The following AP1M2 variants were observed in gnomAD, a reference collection of about 807,000 sequenced individuals.
The protein encoded by AP1M2 is AP-1 complex subunit mu-2.
In AP1M2, 41 loss-of-function variants were observed where a neutral mutation model predicts 54.6. The observed-to-expected ratio is 0.75, with a 90% CI of 0.59 to 0.97. AP1M2 has a LOEUF of 0.97. AP1M2 is among the 50% of genes least tolerant of loss of function. The pLI, the probability that AP1M2 is intolerant of heterozygous loss-of-function variation, is 0.00. For synonymous variants in AP1M2, 219 were observed against 215.9 expected (o/e 1.01, Z -0.13); for missense variants, 507 against 561.2 (o/e 0.90, Z 0.98).
chr19:10,579,016 T>TTC, intron 7 of AP1M2, 53 bp from the exon 8 acceptor site: 2 of 187,650 alleles, frequency 1.1e-5, no homozygotes, highest in Non-Finnish European at 1.7e-5. Flanking sequence ...GACTCTCTTC[T>TTC]TTTTTTTTTT....
chr19:10,581,612 T>C lies in AP1M2; in HGVS notation c.421A>G (p.Lys141Glu). The C allele has an allele frequency of 1.2e-6, 2 of 1,613,962 alleles. No individual in the cohort carries two copies. The highest frequency in any genetic ancestry group is 1.7e-6 in the Non-Finnish European group (2 of 1,179,964). Residue 141 changes from lysine to glutamate, a missense_variant, in exon 5 of 12, where the codon AAG (lysine) becomes GAG (glutamate). Coordinates refer to ENST00000250244, the MANE Select transcript of AP1M2 (RefSeq NM_005498.5). ...ACCCGTGACTTGCCCGTCTCCAGCT[T>C]GTTGCTCTGCTGAGTGATGTACCTG... ...LQEYITQQSN[K>E]LETGKSRVPP... is the part of the protein sequence containing the mutation.
Position 10,574,440 on chromosome 19 carries a change from A to T in AP1M2, c.1226T>A (p.Val409Asp). The T allele has an allele frequency of 6.4e-7, 1 of 1,561,392 alleles. No individual in the cohort carries two copies. The highest frequency in any genetic ancestry group is 8.7e-7 in the Non-Finnish European group (1 of 1,153,054). Residue 409 changes from valine to aspartate, a missense_variant, in exon 11 of 12, where the codon GTT becomes GAT. By Grantham distance (152) the Val-to-Asp change is radical. Coordinates refer to ENST00000250244, the MANE Select transcript of AP1M2 (RefSeq NM_005498.5). ...ACCGCCACTCTGGGTGATGTAGCGA[A>T]CCCAGGGCAGGGCCTGGTAACCACT... ...EKSGYQALPW[V>D]RYITQSGDYQ...
chr19:10,577,279 G>T lies in AP1M2; in HGVS notation c.966C>A (p.Ser322=). The T allele has an allele frequency of 6.2e-7, 1 of 1,613,026 alleles. No individual in the cohort carries two copies. The part of the protein sequence containing the change: ...ISVPVPSDAD[S]PRFKTSVGSA... ...TGCCCACACTGGTCTTGAATCTGGG[G>T]GAGTCGGCATCGCTGGGTACAGGCA... The change falls in exon 9 of 12, where the codon TCC becomes TCA. Residue 322 remains serine, a synonymous_variant. Coordinates refer to ENST00000250244, the MANE Select transcript of AP1M2 (RefSeq NM_005498.5).
chr19:10,577,719 G>A (rs1284282787), intron 8 of AP1M2, among the ~76,000 whole-genome samples: 2 of 141,862 alleles, frequency 1.4e-5, no homozygotes, highest in Admixed American at 1.5e-4. Flanking sequence ...ACAGGCGTGA[G>A]CCACCATGCT....
At position 10,578,966 on chromosome 19, in the gene AP1M2, G is replaced by A. The variant is rs1239234999; in HGVS notation, c.817-3C>T. The A allele has an allele frequency of 6.3e-6, 10 of 1,596,718 alleles. No individual in the cohort carries two copies. The highest frequency in any genetic ancestry group is 8.5e-6 in the Non-Finnish European group (10 of 1,171,030). ...TCAATCCAGATCAGTGGCTTGACCT[G>A]TGGGAAGAAGAAGGGGAGAGTTCTT... On this transcript the variant is annotated splice_region_variant and splice_polypyrimidine_tract_variant and intron_variant, in intron 7 of 11. Coordinates refer to ENST00000250244, the MANE Select transcript of AP1M2 (RefSeq NM_005498.5).
intron 3 of AP1M2, 133 bp downstream of exon 3, chr19:10,583,473 A>AG (rs1917528229): frequency 1.5e-6 from 1 of 653,680 alleles, no homozygotes; most frequent in African/African-American, 1.8e-5. Context: ...CATCTCTACC[A>AG]GAAAAAAAAA....
chr19:10,581,155 G>A, intron 6 of AP1M2, 111 bp downstream of exon 6: 1 of 1,437,220 alleles, frequency 7.0e-7, no homozygotes. Context: ...TCAGCAGATG[G>A]TGAGCGAGCG....
At chr19:10,584,191 T>A in intron 1 of AP1M2, 121 bp from the exon 2 acceptor site, 1 of 1,266,848 alleles carries the variant, frequency 7.9e-7, no homozygotes, top group Non-Finnish European at 1.1e-6. Flanking sequence ...AGGCTCTGCC[T>A]CCTTGTGCCT....
At position 10,577,370 on chromosome 19, in the gene AP1M2, G is replaced by A. The variant is rs1219860057; in HGVS notation, c.889-14C>T. 1 of 1,590,482 alleles carries A rather than the reference G, an allele frequency of 6.3e-7. No homozygotes were observed. Among genetic ancestry groups the A allele is most frequent in the African/African-American group, 1.4e-5 (1 of 73,834 alleles). ...CTGCCCCTTGGCCTGTCAGGGGAGC[G>A]AGCATGGGGCACGAAGAATTCGCTT... On this transcript the variant is annotated splice_polypyrimidine_tract_variant and intron_variant, in intron 8 of 11. Transcript: ENST00000250244.
At chr19:10,574,846 G>A in intron 10 of AP1M2, 58 bp downstream of exon 10, 6 of 1,547,158 alleles carry the variant, frequency 3.9e-6, no homozygotes, top group Non-Finnish European at 5.2e-6. Flanking sequence ...CCAAGGGACA[G>A]GAGAGAGGGG....
At chr19:10,576,906 C>T (rs1917252827) in intron 9 of AP1M2, among the ~76,000 whole-genome samples, 2 of 151,630 alleles carry the variant, frequency 1.3e-5, no homozygotes, top group East Asian at 2.0e-4. Context: ...GGATGTTAGC[C>T]GTCTCTATGT....
At chr19:10,585,995 C>T (rs1261003087) in intron 1 of AP1M2, among the ~76,000 whole-genome samples, 3 of 151,758 alleles carry the variant, frequency 2.0e-5, no homozygotes, top group East Asian at 3.9e-4. Context: ...AAAAATAGGC[C>T]GGGTGCGGCC....
chr19:10,577,942 G>A (rs1019331893), intron 8 of AP1M2, among the ~76,000 whole-genome samples: 1 of 151,886 alleles, frequency 6.6e-6, no homozygotes, highest in South Asian at 2.1e-4. Flanking sequence ...CTCCATGTTG[G>A]TCAGGCTGGT....
At chr19:10,582,582 T>C (rs1252535551) in intron 3 of AP1M2, among the ~76,000 whole-genome samples, 1 of 151,644 alleles carries the variant, frequency 6.6e-6, no homozygotes, top group Non-Finnish European at 1.5e-5. Flanking sequence ...ACCCCGTCTA[T>C]ACTAAAAATA....
intron 11 of AP1M2, among the ~76,000 whole-genome samples, chr19:10,573,783 T>C (rs1221403235): frequency 6.9e-6 from 1 of 145,642 alleles, no homozygotes; most frequent in Non-Finnish European, 1.5e-5. Flanking sequence ...CACCTCAGCC[T>C]CCTGAGTTGC....
In AP1M2 at chr19:10,584,000, A is replaced by T. The variant is rs1322349719; in HGVS notation, c.113T>A (p.Val38Glu). The change falls in exon 2 of 12, where the codon GTA becomes GAA. Residue 38 changes from valine (V) to glutamate (E), a missense_variant. Physicochemically the swap from Val to Glu is moderately radical, Grantham distance 121. Coordinates refer to ENST00000250244, the MANE Select transcript of AP1M2 (RefSeq NM_005498.5). ...SKIEHFMPLL[V>E]QREEEGALAP... ...CAGGGCGCCTTCCTCCTCCCGCTGT[A>T]CCAGCAAAGGCATGAAGTGCTCAAT... 1 of 1,609,276 alleles carries T rather than the reference A, an allele frequency of 6.2e-7. No homozygotes were observed. Among genetic ancestry groups the T allele is most frequent in the Non-Finnish European group, 8.5e-7 (1 of 1,177,956 alleles).
At position 10,578,102 on chromosome 19, in the gene AP1M2, G is replaced by C. The variant is rs192379683; in HGVS notation, c.889-746C>G. 2.8e-4 allele frequency among the ~76,000 whole-genome samples: 42 copies of C among 152,228 alleles called. No individual in the cohort carries two copies. The East Asian group carries it at 7.9e-3, about 29-fold the overall frequency. ...TCCACATGGAAGGCACCAAGAACAG[G>C]GCTTCTCGAGCCTCATGGGTGTGGG... On this transcript the variant is annotated intron_variant, in intron 8 of 11. Coordinates refer to ENST00000250244, the MANE Select transcript of AP1M2 (RefSeq NM_005498.5).
intron 7 of AP1M2, 39 bp downstream of exon 7, chr19:10,579,677 C>A (rs1917368828): frequency 6.3e-7 from 1 of 1,585,194 alleles, no homozygotes; most frequent in Non-Finnish European, 8.6e-7. Context: ...CAGCCTACCC[C>A]AACCTACTCC....
rs1917259978 is a variant in AP1M2 at position 10,577,130 on chromosome 19, C to A, written c.1047+68G>T. ...TGTTCTCTGCCTTGTTCTCATGGCT[C>A]CTGGGCAGCCCCCACACTACTCCAG... On this transcript the variant is annotated intron_variant, in intron 9 of 11. Transcript: ENST00000250244. The A allele has an allele frequency of 2.0e-6, 3 of 1,527,138 alleles. No homozygotes were observed. The African/African-American group carries it at 4.1e-5, about 21-fold the overall frequency. The allele number at this position is 1,527,138 out of a possible 1,614,324, so 94.6% of individuals were successfully genotyped here.
Sources: allele counts gnomAD v4.1 joint callset (sites outside exome capture counted in the v4.1 genomes callset), GRCh38; gene constraint gnomAD v4.1.1; transcripts MANE v1.5; gene names NCBI Gene and HGNC (gene_info 2026-07-23, HGNC 2026-07-21).